The following PCDHA2 variants were observed in gnomAD, a reference collection of about 807,000 sequenced individuals.
PCDHA2 encodes the protein protocadherin alpha-2.
A neutral mutation model predicts 66.0 loss-of-function variants in PCDHA2; 58 were observed. The ratio of observed to expected loss-of-function variants is 0.88; its 90% CI spans 0.71 to 1.09. PCDHA2 has a LOEUF of 1.09. Among genes scored for constraint, PCDHA2 ranks in the 50% least tolerant of loss-of-function variants. PCDHA2 has a pLI of 0.00. For missense variants in PCDHA2, 1,267 were observed against 1,242.3 expected, an observed-to-expected ratio of 1.02 and a Z score of -0.30; for synonymous variants, 634 against 554.0, an observed-to-expected ratio of 1.14 and a Z score of -2.03.
intron 1 of PCDHA2, chr5:140,807,856 T>A (rs781955377): frequency 1.2e-6 from 2 of 1,614,214 alleles, no homozygotes; most frequent in Non-Finnish European, 1.7e-6. Context: ...CCGAGTTGAC[T>A]GGCACCGTTC....
At position 140,801,756 on chromosome 5, in the gene PCDHA2, G is replaced by A. The variant is rs782663776; in HGVS notation, c.2388+4404G>A. 1.9e-5 allele frequency: 30 copies of A among 1,613,786 alleles called. No homozygotes were observed. Among genetic ancestry groups the A allele is most frequent in the Middle Eastern group, 1.6e-4 (1 of 6,082 alleles). On this transcript the variant is annotated intron_variant, in intron 1 of 3. Transcript: ENST00000526136. ...TACCTTGGACGTTAAAAGAAATGAT[G>A]AGGAAATTAAATCCCTTGGACTCGT...
chr5:140,856,776 G>C (rs782634261), intron 1 of PCDHA2: 3 of 1,596,678 alleles, frequency 1.9e-6, no homozygotes, highest in Non-Finnish European at 1.7e-6. Flanking sequence ...ATCTTTGACA[G>C]ACCGGTTTAT....
At chr5:140,986,031 G>A (rs1443664535) in intron 3 of PCDHA2, among the ~76,000 whole-genome samples, 5 of 152,198 alleles carry the variant, frequency 3.3e-5, no homozygotes, top group South Asian at 2.1e-4. Flanking sequence ...GAGCCACTGC[G>A]CCTGGCCTCA....
At chr5:140,907,391 A>G (rs1455875344) in intron 1 of PCDHA2, among the ~76,000 whole-genome samples, 2 of 152,214 alleles carry the variant, frequency 1.3e-5, no homozygotes, top group African/African-American at 2.4e-5. Context: ...GGTCAAAGGC[A>G]ATGCTGTGTG....
rs149287754 is a variant in PCDHA2, at chr5:140,962,549, G to T, written c.2389-16400G>T. Reference sequence around the variant, plus strand: ...GTTTTTTAGAACTAAAAATGTAGAGGATCTCCCCCTAAAAGCCAATTGTTA... The same window carrying T: ...GTTTTTTAGAACTAAAAATGTAGAGTATCTCCCCCTAAAAGCCAATTGTTA... On this transcript the variant is annotated intron_variant, in intron 1 of 3. Coordinates refer to ENST00000526136, the MANE Select transcript of PCDHA2 (RefSeq NM_018905.3). 1.3e-3 allele frequency among the ~76,000 whole-genome samples: 202 copies of T among 152,208 alleles called. 3 individuals carry two copies. The highest frequency in any genetic ancestry group is 4.3e-4 in the Non-Finnish European group (29 of 68,014).
chr5:140,809,234 T>C lies in PCDHA2; in HGVS notation c.2388+11882T>C, dbSNP rs782288088. 6.2e-6 allele frequency: 10 copies of C among 1,613,892 alleles called. No individual in the cohort carries two copies. The Admixed American group carries it at 6.7e-5, about 11-fold the overall frequency. The stretch of plus-strand genomic sequence containing the variant: ...GGCGCCAAAGGCCTCCTCACGGGCG[T>C]TGGTGGGCGCTGTGGGTCCCGATGC... On this transcript the variant is annotated intron_variant, in intron 1 of 3. Coordinates refer to ENST00000526136, the MANE Select transcript of PCDHA2 (RefSeq NM_018905.3).
intron 1 of PCDHA2, chr5:140,823,119 C>T: frequency 6.2e-7 from 1 of 1,614,054 alleles, no homozygotes; most frequent in Non-Finnish European, 8.5e-7. Flanking sequence ...CCGACGTGAA[C>T]GACAACGCTC....
At chr5:140,996,596 C>T (rs1343501273) in intron 3 of PCDHA2, among the ~76,000 whole-genome samples, 1 of 152,156 alleles carries the variant, frequency 6.6e-6, no homozygotes, top group Non-Finnish European at 1.5e-5. Flanking sequence ...CCGCCTCCCC[C>T]CATTTTCATT....
chr5:140,823,595 C>T (rs2150127247), intron 1 of PCDHA2: 2 of 1,614,016 alleles, frequency 1.2e-6, no homozygotes, highest in Non-Finnish European at 1.7e-6. Context: ...GCTTGGCTTT[C>T]GTATGAGCTG....
intron 1 of PCDHA2, among the ~76,000 whole-genome samples, chr5:140,951,512 C>T (rs2094592870): frequency 6.6e-6 from 1 of 152,004 alleles, no homozygotes; most frequent in Non-Finnish European, 1.5e-5. Context: ...GAAAGCGGCT[C>T]ATCTTACATG....
At chr5:140,858,515 C>A in intron 1 of PCDHA2, 1 of 1,416,092 alleles carries the variant, frequency 7.1e-7, no homozygotes, top group South Asian at 1.2e-5. Context: ...AAATATGTAT[C>A]AGAATATTTC....
intron 1 of PCDHA2, chr5:140,870,676 G>A (rs561705674): frequency 1.9e-6 from 3 of 1,612,702 alleles, no homozygotes; most frequent in African/African-American, 1.3e-5. Flanking sequence ...GTTGGACCAC[G>A]AGGAGCTGGA....
intron 1 of PCDHA2, chr5:140,862,793 A>G: frequency 1.7e-6 from 1 of 576,706 alleles, no homozygotes; most frequent in Non-Finnish European, 3.3e-6. Flanking sequence ...GACTACGAGG[A>G]GCTGGAGCTG....
intron 1 of PCDHA2, among the ~76,000 whole-genome samples, chr5:140,943,086 G>A (rs1384084328): frequency 6.6e-6 from 1 of 151,632 alleles, no homozygotes; most frequent in African/African-American, 2.4e-5. Flanking sequence ...GTGAAATCCT[G>A]CCTCTACTAA....
intron 1 of PCDHA2, chr5:140,804,908 T>A: frequency 1.1e-6 from 1 of 874,672 alleles, no homozygotes; most frequent in Non-Finnish European, 1.6e-6. Context: ...TTCCATTTTC[T>A]TTATTTCCTT....
chr5:140,882,331 C>T, intron 1 of PCDHA2: 3 of 1,614,214 alleles, frequency 1.9e-6, no homozygotes, highest in South Asian at 2.2e-5. Flanking sequence ...TTCTGATCCT[C>T]GCAGCCTGGG....
chr5:140,801,288 C>A, intron 1 of PCDHA2: 1 of 1,613,524 alleles, frequency 6.2e-7, no homozygotes, highest in Non-Finnish European at 8.5e-7. Flanking sequence ...GAGCGGCCAG[C>A]TCCACTACTC....
At position 140,795,454 on chromosome 5, in the gene PCDHA2, G is replaced by A; in HGVS notation, c.490G>A (p.Val164Ile). The A allele has an allele frequency of 6.2e-7, 1 of 1,614,174 alleles. No individual in the cohort carries two copies. The highest frequency in any genetic ancestry group is 8.5e-7 in the Non-Finnish European group (1 of 1,180,024). Reference protein sequence around the residue: ...LEGASDADIGVNALLSYKLSS... With the variant: ...LEGASDADIGINALLSYKLSS... The stretch of plus-strand genomic sequence containing the variant: ...GGGAGCATCTGATGCAGATATAGGA[G>A]TAAATGCTCTTCTCTCCTACAAGCT... The change falls in exon 1 of 4, where the codon GTA (valine) becomes ATA (isoleucine). Residue 164 changes from valine to isoleucine, a missense_variant. Physicochemically the swap from Val to Ile is conservative, Grantham distance 29 (BLOSUM62 3). Transcript: ENST00000526136.
intron 1 of PCDHA2, among the ~76,000 whole-genome samples, chr5:140,965,277 G>A (rs1209263426): frequency 6.6e-6 from 1 of 152,196 alleles, no homozygotes; most frequent in African/African-American, 2.4e-5. Context: ...CAATGACACA[G>A]CATGGAAAGA....
Sources: gnomAD v4.1 joint callset for allele counts (sites outside exome capture counted in the v4.1 genomes callset) on GRCh38, gnomAD v4.1.1 for gene constraint, MANE v1.5 for transcripts, NCBI Gene and HGNC (gene_info 2026-07-23, HGNC 2026-07-21) for gene names.